LGSN: variants seen among roughly 807,000 people sequenced by gnomAD.
LGSN encodes the protein lengsin, lens protein with glutamine synthetase domain, also known as lengsin.
In LGSN, 21 loss-of-function variants were observed where a neutral mutation model predicts 19.5. The ratio of observed to expected loss-of-function variants is 1.07; its 90% CI spans 0.76 to 1.55. The LOEUF (loss-of-function observed/expected upper bound fraction) is 1.55, where lower values mean the gene tolerates loss of function less well. LGSN is among the 40% of genes most tolerant of loss of function. The pLI is 0.00. For synonymous variants in LGSN, 257 were observed against 215.6 expected (o/e 1.19, Z -1.68); for missense variants, 673 against 608.5 (o/e 1.11, Z -1.12).
the LGSN span, among the ~76,000 whole-genome samples, chr6:63,480,982 T>C: frequency 3.0e-3 from 116 of 39,132 alleles, 2 homozygotes; most frequent in African/African-American, 5.0e-3. Context: ...TATATATATA[T>C]ATATACACAC....
chr6:63,400,505 A>G, the LGSN span, among the ~76,000 whole-genome samples: 10 of 152,194 alleles, frequency 6.6e-5, no homozygotes, highest in African/African-American at 1.9e-4. Flanking sequence ...AAATACAGTC[A>G]AGGGCTCCGC....
intron 2 of LGSN, among the ~76,000 whole-genome samples, chr6:63,293,175 T>C (rs748893164): frequency 6.6e-6 from 1 of 152,122 alleles, no homozygotes; most frequent in Non-Finnish European, 1.5e-5. Context: ...ATTTTTTTAT[T>C]GTGTAGAAAC....
chr6:63,569,343 C>G, the LGSN span, among the ~76,000 whole-genome samples: 1 of 152,350 alleles, frequency 6.6e-6, no homozygotes, highest in South Asian at 2.1e-4. Flanking sequence ...GCAGCCTCTG[C>G]CTCCCAGCTT....
chr6:63,526,014 C>T, the LGSN span, among the ~76,000 whole-genome samples: 1 of 152,142 alleles, frequency 6.6e-6, no homozygotes, highest in Admixed American at 6.6e-5. Context: ...GTTTCAACCA[C>T]TATATTTTAT....
chr6:63,523,179 AT>A, the LGSN span, among the ~76,000 whole-genome samples: 1 of 150,674 alleles, frequency 6.6e-6, no homozygotes. Context: ...TCACTCTTTT[AT>A]TTTTTTTTAC....
At chr6:63,344,908 G>T in the LGSN span, among the ~76,000 whole-genome samples, 1 of 152,092 alleles carries the variant, frequency 6.6e-6, no homozygotes, top group Non-Finnish European at 1.5e-5. Context: ...GTGATAATGT[G>T]ATTATGTTAG....
At chr6:63,317,072 A>G (rs1768896754) in intron 1 of LGSN, among the ~76,000 whole-genome samples, 1 of 152,162 alleles carries the variant, frequency 6.6e-6, no homozygotes, top group Non-Finnish European at 1.5e-5. Context: ...TATAATTGTT[A>G]TCATTACTAT....
the LGSN span, among the ~76,000 whole-genome samples, chr6:63,470,467 G>A: frequency 3.9e-5 from 5 of 129,344 alleles, no homozygotes; most frequent in Non-Finnish European, 8.3e-5. Context: ...GAGCAAGACT[G>A]TCTCAATTCA....
intron 2 of LGSN, among the ~76,000 whole-genome samples, chr6:63,289,859 T>C (rs2127385702): frequency 6.6e-6 from 1 of 152,308 alleles, no homozygotes; most frequent in Non-Finnish European, 1.5e-5. Context: ...ACACCTAGCA[T>C]AATGTACCAT....
the LGSN span, among the ~76,000 whole-genome samples, chr6:63,348,264 G>T: frequency 2.0e-5 from 3 of 152,094 alleles, no homozygotes; most frequent in African/African-American, 7.2e-5. Flanking sequence ...GACCAGCCTG[G>T]TCAACATGGC....
chr6:63,302,229 G>A (rs1768209237), intron 1 of LGSN, among the ~76,000 whole-genome samples: 1 of 152,056 alleles, frequency 6.6e-6, no homozygotes, highest in Non-Finnish European at 1.5e-5. Context: ...TATGTTATCA[G>A]CAATAATTAT....
In LGSN at chr6:63,279,214, G is replaced by GA. The variant is rs1185493167; in HGVS notation, c.*806dup. On this transcript the variant is annotated 3_prime_UTR_variant, in exon 4 of 4. Coordinates refer to ENST00000370657, the MANE Select transcript of LGSN (RefSeq NM_016571.3). Reference sequence around the variant, plus strand: ...TTTCAGAGGAACATCTAGTTTCAAAGAATGAAGCAGAGTAGACAGAGCCCA... The same window carrying GA: ...TTTCAGAGGAACATCTAGTTTCAAAGAAATGAAGCAGAGTAGACAGAGCCCA... The GA allele has an allele frequency of 6.6e-6, 1 of 152,184 alleles. No individual in the cohort carries two copies. Among genetic ancestry groups the GA allele is most frequent in the Non-Finnish European group, 1.5e-5 (1 of 68,036 alleles). 9.4% of individuals were successfully genotyped at this position (152,184 alleles called of 1,614,324 possible). A position where few individuals can be genotyped will look rare whatever the true frequency, so the allele number is the denominator to read the frequency against.
the LGSN span, chr6:63,573,417 G>C: frequency 6.6e-6 from 1 of 152,166 alleles, no homozygotes; most frequent in African/African-American, 2.4e-5. Context: ...GTGCTCGACG[G>C]CCGGGACCCG....
At chr6:63,371,701 G>T in the LGSN span, among the ~76,000 whole-genome samples, 19,796 of 152,044 alleles carry the variant, frequency 0.13, 2,894 homozygotes, top group African/African-American at 0.36. Flanking sequence ...TTAGTATAAA[G>T]AGTTATTAGT....
At chr6:63,321,674 C>T (rs1229363897), upstream of LGSN, among the ~76,000 whole-genome samples, 1 of 152,026 alleles carries the variant, frequency 6.6e-6, no homozygotes, top group Non-Finnish European at 1.5e-5. Flanking sequence ...TAGCATGATA[C>T]ATATTTTAAA....
the LGSN span, among the ~76,000 whole-genome samples, chr6:63,572,950 G>C: frequency 1.1e-4 from 17 of 152,194 alleles, no homozygotes; most frequent in Admixed American, 9.8e-4. Context: ...GCGGTTGGCC[G>C]CCGGAGGCAC....
chr6:63,326,995 T>C, the LGSN span, among the ~76,000 whole-genome samples: 2 of 152,234 alleles, frequency 1.3e-5, no homozygotes, highest in African/African-American at 4.8e-5. Flanking sequence ...CTGTGAGGAC[T>C]GCCAGCACGC....
chr6:63,443,667 G>A, the LGSN span: 57 of 601,942 alleles, frequency 9.5e-5, no homozygotes, highest in Middle Eastern at 4.1e-3. Flanking sequence ...ACTCTTTTTA[G>A]CATCAGACCT....
At chr6:63,388,242 T>C in the LGSN span, among the ~76,000 whole-genome samples, 1 of 151,996 alleles carries the variant, frequency 6.6e-6, no homozygotes, top group Non-Finnish European at 1.5e-5. Context: ...TTACCAGTGG[T>C]GAATTATGAA....
Sources: gnomAD v4.1 joint callset for allele counts (sites outside exome capture counted in the v4.1 genomes callset) on GRCh38, gnomAD v4.1.1 for gene constraint, MANE v1.5 for transcripts, NCBI Gene and HGNC (gene_info 2026-07-23, HGNC 2026-07-21) for gene names.